MRPS28: variants seen among roughly 807,000 people sequenced by gnomAD.
MRPS28 encodes mitochondrial ribosomal protein S28, also known as small ribosomal subunit protein bS1m.
In MRPS28, 7 loss-of-function variants were observed where a neutral mutation model predicts 10.8. The ratio of observed to expected loss-of-function variants is 0.65; its 90% CI spans 0.37 to 1.22. MRPS28 has a LOEUF of 1.22. MRPS28 is among the 50% of genes most tolerant of loss of function. MRPS28 has a pLI of 0.02. For missense variants in MRPS28, 265 were observed against 232.9 expected (o/e 1.14, Z -0.90); for synonymous variants, 121 against 93.3 (o/e 1.30, Z -1.71).
At chr8:79,938,739 C>A (rs1267780999) in intron 2 of MRPS28, among the ~76,000 whole-genome samples, 1 of 152,082 alleles carries the variant, frequency 6.6e-6, no homozygotes, top group Non-Finnish European at 1.5e-5. Context: ...GCAAGTCTGT[C>A]AAAAAGCTAC....
At chr8:80,005,384 C>T (rs1407043681) in intron 1 of MRPS28, among the ~76,000 whole-genome samples, 15 of 150,020 alleles carry the variant, frequency 1.0e-4, no homozygotes, top group South Asian at 4.2e-4. Context: ...TCCAGCCAAA[C>T]TAAGCTTCAT....
At chr8:79,930,574 A>G (rs1315935285) in intron 2 of MRPS28, among the ~76,000 whole-genome samples, 1 of 152,234 alleles carries the variant, frequency 6.6e-6, no homozygotes, top group Non-Finnish European at 1.5e-5. Flanking sequence ...CCTGGCTTCC[A>G]ATCTCAAAGC....
intron 2 of MRPS28, among the ~76,000 whole-genome samples, chr8:79,984,839 C>T (rs540421812): frequency 1.3e-5 from 2 of 152,244 alleles, no homozygotes. Context: ...GACTTTAACA[C>T]CCCACAGTCA....
rs184570460 is a variant in MRPS28, at chr8:80,005,290, G to A, written c.214-2110C>T. ...CCATCAGACTAACAGCGGATCTCTC[G>A]GCAGAAACTCTACAAGCCAGAAGAG... On this transcript the variant is annotated intron_variant, in intron 1 of 2. Coordinates refer to ENST00000276585, the MANE Select transcript of MRPS28 (RefSeq NM_014018.3). Among the ~76,000 whole-genome samples the A allele has an allele frequency of 3.2e-4, 49 of 152,202 alleles. 2 individuals are homozygous for A. In the East Asian group the frequency reaches 6.9e-3, roughly 22 times the overall value.
intron 2 of MRPS28, among the ~76,000 whole-genome samples, chr8:79,926,010 GA>G (rs1443975818): frequency 6.7e-6 from 1 of 148,352 alleles, no homozygotes; most frequent in Non-Finnish European, 1.5e-5. Context: ...AAAAAAAAAA[GA>G]AAAAAAGAGA....
At chr8:79,959,892 A>G (rs1193232634) in intron 2 of MRPS28, among the ~76,000 whole-genome samples, 1 of 152,172 alleles carries the variant, frequency 6.6e-6, no homozygotes, top group African/African-American at 2.4e-5. Context: ...GAAAGCAACA[A>G]TAAACTATGT....
At chr8:79,919,838 T>C (rs1810025957) in intron 2 of MRPS28, among the ~76,000 whole-genome samples, 1 of 152,186 alleles carries the variant, frequency 6.6e-6, no homozygotes, top group Admixed American at 6.5e-5. Flanking sequence ...AGGGTACATG[T>C]GCACAACGTG....
At chr8:79,936,215 C>G (rs193196683) in intron 2 of MRPS28, among the ~76,000 whole-genome samples, 2 of 151,844 alleles carry the variant, frequency 1.3e-5, no homozygotes, top group Admixed American at 1.3e-4. Context: ...GCAGTCCCAG[C>G]TACTTGTGAG....
At chr8:79,934,254 T>C (rs182096583) in intron 2 of MRPS28, among the ~76,000 whole-genome samples, 33 of 152,292 alleles carry the variant, frequency 2.2e-4, no homozygotes, top group Admixed American at 5.9e-4. Context: ...GTTGACTAGA[T>C]GTCTATGGTT....
intron 1 of MRPS28, among the ~76,000 whole-genome samples, chr8:80,012,734 G>C (rs1227522321): frequency 2.0e-5 from 3 of 152,178 alleles, no homozygotes; most frequent in Non-Finnish European, 4.4e-5. Flanking sequence ...AAGGTAGAAA[G>C]GAGTAAGGTA....
intron 2 of MRPS28, among the ~76,000 whole-genome samples, chr8:79,974,646 T>C (rs1438860128): frequency 6.6e-6 from 1 of 152,100 alleles, no homozygotes; most frequent in East Asian, 1.9e-4. Flanking sequence ...GTATTTTCTA[T>C]TCTATTTCAT....
At chr8:79,928,243 A>G (rs1223708617) in intron 2 of MRPS28, among the ~76,000 whole-genome samples, 2 of 152,052 alleles carry the variant, frequency 1.3e-5, no homozygotes, top group Non-Finnish European at 2.9e-5. Context: ...AGGCAGGAGG[A>G]GCTCCTGAGC....
chr8:80,029,095 T>C (rs1000470409), intron 1 of MRPS28, among the ~76,000 whole-genome samples: 1 of 152,182 alleles, frequency 6.6e-6, no homozygotes, highest in East Asian at 1.9e-4. Context: ...TTTAGACCAG[T>C]GAGATCCCGT....
intron 2 of MRPS28, among the ~76,000 whole-genome samples, chr8:79,949,849 T>C (rs1807036492): frequency 6.6e-6 from 1 of 152,222 alleles, no homozygotes; most frequent in Non-Finnish European, 1.5e-5. Flanking sequence ...ATTTGAGTAG[T>C]GTTTCTGTAT....
intron 2 of MRPS28, among the ~76,000 whole-genome samples, chr8:79,939,410 T>C (rs572482331): frequency 1.3e-5 from 2 of 152,272 alleles, no homozygotes; most frequent in African/African-American, 4.8e-5. Context: ...CATACTTCCT[T>C]GCCTTGTTAA....
At chr8:79,937,566 A>G (rs1806635617) in intron 2 of MRPS28, among the ~76,000 whole-genome samples, 1 of 152,226 alleles carries the variant, frequency 6.6e-6, no homozygotes, top group Non-Finnish European at 1.5e-5. Context: ...TTGAAACAAT[A>G]TAAACAACAA....
intron 2 of MRPS28, among the ~76,000 whole-genome samples, chr8:80,001,895 T>G (rs372441720): frequency 6.6e-6 from 1 of 152,154 alleles, no homozygotes; most frequent in Non-Finnish European, 1.5e-5. Context: ...TTCGGTGACA[T>G]CATGTTGGTG....
In MRPS28 at chr8:79,991,810, T is replaced by C. The variant is rs151267737; in HGVS notation, c.395+11189A>G. Reference sequence around the variant, plus strand: ...AGCCCAATTCCCTTTCTCTTGAGTATAGGCTGGGCTTTGTGACTCACTTGG... The same window carrying C: ...AGCCCAATTCCCTTTCTCTTGAGTACAGGCTGGGCTTTGTGACTCACTTGG... On this transcript the variant is annotated intron_variant, in intron 2 of 2. Transcript: ENST00000276585. Among the ~76,000 whole-genome samples the C allele has an allele frequency of 6.3e-3, 961 of 152,332 alleles. 9 individuals are homozygous for C. The highest frequency in any genetic ancestry group is 0.022 in the African/African-American group (897 of 41,578).
chr8:79,958,067 A>C, intron 2 of MRPS28: 2 of 240,806 alleles, frequency 8.3e-6, no homozygotes, highest in Non-Finnish European at 1.6e-5. Flanking sequence ...GTGACTTTGA[A>C]TATATTCTCA....
Sources: allele counts gnomAD v4.1 joint callset (sites outside exome capture counted in the v4.1 genomes callset), GRCh38; gene constraint gnomAD v4.1.1; transcripts MANE v1.5; gene names NCBI Gene and HGNC (gene_info 2026-07-23, HGNC 2026-07-21).